Variants in WDR41 observed in about 807,000 individuals in gnomAD.
WDR41 encodes WD repeat domain 41, also known as WD repeat-containing protein 41.
A neutral mutation model predicts 69.3 loss-of-function variants in WDR41; 63 were observed. That is an observed-to-expected ratio of 0.91 (90% CI 0.74 to 1.12). The LOEUF (loss-of-function observed/expected upper bound fraction) is 1.12, where lower values mean the gene tolerates loss of function less well. WDR41 is among the 50% of genes most tolerant of loss of function. The pLI, the probability that WDR41 is intolerant of heterozygous loss-of-function variation, is 0.00. For missense variants in WDR41, 543 were observed against 534.5 expected, an observed-to-expected ratio of 1.02 and a Z score of -0.16; for synonymous variants, 185 against 192.1, an observed-to-expected ratio of 0.96 and a Z score of 0.31.
chr5:77,431,932 T>G lies in WDR41; in HGVS notation c.*1203A>C, dbSNP rs1295410330. On this transcript the variant is annotated 3_prime_UTR_variant, in exon 13 of 13. Transcript: ENST00000296679. The stretch of plus-strand genomic sequence containing the variant: ...TGTTTTTAGAGCTGCTTGGTGATAC[T>G]GGGCACTACAGATTTAATTGCAAGG... The G allele has an allele frequency of 6.6e-6, 1 of 152,236 alleles. No individual in the cohort carries two copies. Among genetic ancestry groups the G allele is most frequent in the Non-Finnish European group, 1.5e-5 (1 of 68,048 alleles). The allele number at this position is 152,236 out of a possible 1,614,324, so 9.4% of individuals were successfully genotyped here. A position where few individuals can be genotyped will look rare whatever the true frequency, so the allele number is the denominator to read the frequency against.
intron 1 of WDR41, among the ~76,000 whole-genome samples, chr5:77,522,607 T>G (rs777381246): frequency 6.6e-6 from 1 of 151,930 alleles, no homozygotes; most frequent in Non-Finnish European, 1.5e-5. Context: ...ACCACTGCAC[T>G]CTAGCCTGGC....
At chr5:77,519,513 T>A (rs1236642439) in intron 1 of WDR41, among the ~76,000 whole-genome samples, 5 of 152,012 alleles carry the variant, frequency 3.3e-5, no homozygotes, top group African/African-American at 1.2e-4. Flanking sequence ...TAACAAAATA[T>A]ACTAAGAGTT....
At chr5:77,487,583 TTGTCTC>T (rs1247437767) in intron 2 of WDR41, among the ~76,000 whole-genome samples, 11 of 152,258 alleles carry the variant, frequency 7.2e-5, no homozygotes, top group Admixed American at 6.5e-4. Flanking sequence ...TTGCTGGACT[TTGTCTC>T]TGGTTCCTAG....
chr5:77,451,200 T>C, intron 7 of WDR41, 91 bp downstream of exon 7: 3 of 1,212,602 alleles, frequency 2.5e-6, no homozygotes, highest in East Asian at 2.3e-5. Context: ...GCACACGCAA[T>C]GTCCCTTAAA....
chr5:77,442,894 C>CACAAAAAAAAAAAAAAA (rs1799225606), intron 8 of WDR41, among the ~76,000 whole-genome samples: 1 of 56,260 alleles, frequency 1.8e-5, no homozygotes, highest in East Asian at 5.5e-4. Context: ...TCTGTCTCCC[C>CACAAAAAAAAAAAAAAA]AAAAAAAAAA....
chr5:77,507,206 C>T (rs2112165289), intron 1 of WDR41, among the ~76,000 whole-genome samples: 1 of 152,192 alleles, frequency 6.6e-6, no homozygotes, highest in East Asian at 1.9e-4. Context: ...AGATTGGTTG[C>T]ATGAGAACGT....
At chr5:77,472,539 C>G (rs897930716) in intron 2 of WDR41, among the ~76,000 whole-genome samples, 4 of 152,094 alleles carry the variant, frequency 2.6e-5, no homozygotes, top group Admixed American at 2.6e-4. Context: ...TGTCTCAGCC[C>G]AAAACCTCCT....
At chr5:77,467,688 T>C (rs1400208165) in intron 2 of WDR41, among the ~76,000 whole-genome samples, 3 of 152,048 alleles carry the variant, frequency 2.0e-5, no homozygotes, top group Non-Finnish European at 2.9e-5. Context: ...TTTTAAGTGC[T>C]AAAGAAATGC....
chr5:77,610,702 T>C (rs1464773268), intron 1 of WDR41, among the ~76,000 whole-genome samples: 1 of 152,228 alleles, frequency 6.6e-6, no homozygotes, highest in African/African-American at 2.4e-5. Context: ...TGCAAAATCA[T>C]GCCAAAATGT....
intron 1 of WDR41, among the ~76,000 whole-genome samples, chr5:77,523,051 C>A (rs1802393505): frequency 6.6e-6 from 1 of 152,146 alleles, no homozygotes; most frequent in Admixed American, 6.5e-5. Flanking sequence ...CTGTGGCTCA[C>A]ACCTGTAATC....
chr5:77,467,564 G>GA (rs1428964954), intron 2 of WDR41, among the ~76,000 whole-genome samples: 1 of 151,770 alleles, frequency 6.6e-6, no homozygotes, highest in African/African-American at 2.4e-5. Flanking sequence ...TGTCAAAATA[G>GA]AAAAAAATAT....
chr5:77,476,459 A>G (rs1800936896), intron 2 of WDR41, among the ~76,000 whole-genome samples: 1 of 152,172 alleles, frequency 6.6e-6, no homozygotes, highest in Admixed American at 6.5e-5. Flanking sequence ...AGCCCATCAG[A>G]CTCACAGCGG....
At chr5:77,504,684 G>A (rs1802078072) in intron 1 of WDR41, among the ~76,000 whole-genome samples, 1 of 152,096 alleles carries the variant, frequency 6.6e-6, no homozygotes, top group South Asian at 2.1e-4. Context: ...CCACAATCAA[G>A]TCAGCTTCAT....
At chr5:77,476,507 G>A (rs1800940040) in intron 2 of WDR41, among the ~76,000 whole-genome samples, 1 of 152,024 alleles carries the variant, frequency 6.6e-6, no homozygotes, top group African/African-American at 2.4e-5. Context: ...GAAGACAGTG[G>A]GGGCCAATAT....
intron 1 of WDR41, among the ~76,000 whole-genome samples, chr5:77,513,369 G>C (rs1802238520): frequency 6.6e-6 from 1 of 152,066 alleles, no homozygotes; most frequent in African/African-American, 2.4e-5. Flanking sequence ...AACTAAATTA[G>C]CTCTTAAACT....
At chr5:77,470,237 T>C (rs188219600) in intron 2 of WDR41, among the ~76,000 whole-genome samples, 2,818 of 152,200 alleles carry the variant, frequency 0.019, 35 homozygotes, top group Middle Eastern at 0.055. Flanking sequence ...CTGAGAGATT[T>C]TGTCACCACC....
At chr5:77,565,352 TAA>T (rs1020906059) in intron 1 of WDR41, among the ~76,000 whole-genome samples, 9 of 152,186 alleles carry the variant, frequency 5.9e-5, no homozygotes, top group African/African-American at 2.2e-4. Context: ...TGCCAATTCC[TAA>T]AAGTCTCCAT....
At chr5:77,561,865 C>G (rs1008428460) in intron 1 of WDR41, among the ~76,000 whole-genome samples, 3 of 152,066 alleles carry the variant, frequency 2.0e-5, no homozygotes, top group African/African-American at 7.2e-5. Flanking sequence ...ATCCTGATTG[C>G]AGTAACAATA....
upstream of WDR41, among the ~76,000 whole-genome samples, chr5:77,493,820 C>G (rs1801893891): frequency 1.3e-5 from 2 of 152,184 alleles, no homozygotes; most frequent in South Asian, 4.1e-4. Context: ...TATCCACATT[C>G]TTTAGGGTTT....
Sources: allele counts gnomAD v4.1 joint callset (sites outside exome capture counted in the v4.1 genomes callset), GRCh38; gene constraint gnomAD v4.1.1; transcripts MANE v1.5; gene names NCBI Gene and HGNC (gene_info 2026-07-23, HGNC 2026-07-21).